Variants in PLCL2 observed in about 807,000 individuals in gnomAD.
The protein encoded by PLCL2 is inactive phospholipase C-like protein 2.
In PLCL2, 4 loss-of-function variants were observed where a neutral mutation model predicts 79.6. The observed-to-expected ratio is 0.05, with a 90% CI of 0.02 to 0.11. The LOEUF is 0.11. Ranked by LOEUF, PLCL2 falls within the 10% of genes least tolerant of loss-of-function variation. The pLI, the probability that PLCL2 is intolerant of heterozygous loss-of-function variation, is 1.00. For synonymous variants in PLCL2, 484 were observed against 457.7 expected (o/e 1.06, Z -0.73); for missense variants, 895 against 1,291.0 (o/e 0.69, Z 4.70).
At position 16,886,905 on chromosome 3, in the gene PLCL2, C is replaced by T. The variant is rs1231421278; in HGVS notation, c.327+1539C>T. ...TGAGGTGAAAATTCCAAAGAAGATA[C>T]CAGCCTACCTAATTTTAACCCCTTT... On this transcript the variant is annotated intron_variant, in intron 1 of 5. Transcript: ENST00000615277. This position sits in a 1 kb window ranked among gnomAD's most constrained non-coding sequence, Gnocchi z 4.2. Among the ~76,000 whole-genome samples, 1 of 152,160 alleles carries T rather than the reference C, an allele frequency of 6.6e-6. No homozygotes were observed. The highest frequency in any genetic ancestry group is 1.5e-5 in the Non-Finnish European group (1 of 68,024).
At chr3:17,087,399 C>T (rs568101008) in intron 5 of PLCL2, among the ~76,000 whole-genome samples, 14 of 152,252 alleles carry the variant, frequency 9.2e-5, no homozygotes, top group African/African-American at 3.1e-4. Context: ...GCGAAAGAAG[C>T]CAATCCAAAA....
At chr3:16,953,370 C>A (rs761329664) in intron 1 of PLCL2, among the ~76,000 whole-genome samples, 18 of 152,200 alleles carry the variant, frequency 1.2e-4, no homozygotes, top group Non-Finnish European at 2.2e-4. Flanking sequence ...TTACATTAAA[C>A]AAATTTTAAT....
intron 1 of PLCL2, among the ~76,000 whole-genome samples, chr3:16,988,381 A>C (rs1264093661): frequency 6.6e-6 from 1 of 152,128 alleles, no homozygotes. Flanking sequence ...TTTCCTTAGA[A>C]ATTCATTTCA....
intron 1 of PLCL2, among the ~76,000 whole-genome samples, chr3:16,965,124 G>C (rs1230816996): frequency 6.6e-6 from 1 of 152,034 alleles, no homozygotes; most frequent in Non-Finnish European, 1.5e-5. Context: ...GTATTGCCCA[G>C]GTTTTCTTCT....
Position 16,901,957 on chromosome 3 carries a change from A to G in PLCL2, c.327+16591A>G, listed in dbSNP as rs145356794. Reference sequence around the variant, plus strand: ...GTCTCCTTCTCTCATTCCATGCCTCATTCTGGACAACTTGTTCCATAGCCA... The same window carrying G: ...GTCTCCTTCTCTCATTCCATGCCTCGTTCTGGACAACTTGTTCCATAGCCA... On this transcript the variant is annotated intron_variant, in intron 1 of 5. Coordinates refer to ENST00000615277, the MANE Select transcript of PLCL2 (RefSeq NM_001144382.2). 7.8e-3 allele frequency among the ~76,000 whole-genome samples: 1,184 copies of G among 152,274 alleles called. 17 individuals are homozygous for G. Among genetic ancestry groups the G allele is most frequent in the African/African-American group, 0.027 (1,108 of 41,530 alleles).
In PLCL2 at chr3:17,004,078, C is replaced by T. The variant is rs563275101; in HGVS notation, c.328-5596C>T. ...TTCCCACGCTCTACCAAACCCAGAA[C>T]AGTTTCTTGTGTCCTATTTCTCCTT... On this transcript the variant is annotated intron_variant, in intron 1 of 5. Transcript: ENST00000615277. 3.3e-5 allele frequency among the ~76,000 whole-genome samples: 5 copies of T among 152,320 alleles called. No individual in the cohort carries two copies. The South Asian group carries it at 8.3e-4, about 25-fold the overall frequency.
In PLCL2 at chr3:16,960,660, G is replaced by C. The variant is rs140292825; in HGVS notation, c.328-49014G>C. 2.6e-5 allele frequency among the ~76,000 whole-genome samples: 4 copies of C among 152,220 alleles called. No individual in the cohort carries two copies. The East Asian group carries it at 7.7e-4, about 29-fold the overall frequency. ...TTTCAAGGACCACCAAAATATCTCT[G>C]AATCAACAACATCTGAAGTCAGTCC... On this transcript the variant is annotated intron_variant, in intron 1 of 5. Transcript: ENST00000615277.
At chr3:17,028,017 T>C (rs1049100849) in intron 3 of PLCL2, among the ~76,000 whole-genome samples, 3 of 152,158 alleles carry the variant, frequency 2.0e-5, no homozygotes, top group African/African-American at 7.2e-5. Context: ...ATTTAGTGTT[T>C]ATGTATAACC....
chr3:17,021,984 G>GTAGA (rs2064460320), intron 3 of PLCL2, among the ~76,000 whole-genome samples: 1 of 152,108 alleles, frequency 6.6e-6, no homozygotes, highest in African/African-American at 2.4e-5. Context: ...CAGTTCCTGG[G>GTAGA]TAGATTTCAT....
At chr3:16,981,926 G>A (rs1255329069) in intron 1 of PLCL2, among the ~76,000 whole-genome samples, 3 of 152,190 alleles carry the variant, frequency 2.0e-5, no homozygotes, top group Non-Finnish European at 4.4e-5. Context: ...GCTCCTTTTA[G>A]ATGTTCTATT....
At chr3:16,954,874 G>C (rs1166264423) in intron 1 of PLCL2, among the ~76,000 whole-genome samples, 1 of 152,134 alleles carries the variant, frequency 6.6e-6, no homozygotes, top group Non-Finnish European at 1.5e-5. Flanking sequence ...TGATGGGGTT[G>C]TTTGTATTTT....
intron 1 of PLCL2, among the ~76,000 whole-genome samples, chr3:16,939,961 AAAG>A (rs1697639016): frequency 6.6e-6 from 1 of 152,228 alleles, no homozygotes; most frequent in African/African-American, 2.4e-5. Flanking sequence ...CTTAGGGTCT[AAAG>A]AAGAAGAGTC....
At chr3:17,053,572 A>C (rs2064863457) in intron 4 of PLCL2, among the ~76,000 whole-genome samples, 1 of 152,220 alleles carries the variant, frequency 6.6e-6, no homozygotes, top group African/African-American at 2.4e-5. Flanking sequence ...ATAATCCCCC[A>C]AAGTCTTAAC....
At chr3:16,899,395 CA>C (rs1696566161) in intron 1 of PLCL2, among the ~76,000 whole-genome samples, 1 of 152,178 alleles carries the variant, frequency 6.6e-6, no homozygotes, top group Non-Finnish European at 1.5e-5. Context: ...ACAGCAACAA[CA>C]GAGTATCAAG....
At chr3:16,907,753 T>G (rs1464697285) in intron 1 of PLCL2, among the ~76,000 whole-genome samples, 1 of 152,210 alleles carries the variant, frequency 6.6e-6, no homozygotes, top group East Asian at 1.9e-4. Flanking sequence ...TTAGCAATTT[T>G]TTTTTTGGTA....
At chr3:16,946,003 C>T (rs544591959) in intron 1 of PLCL2, among the ~76,000 whole-genome samples, 1 of 152,322 alleles carries the variant, frequency 6.6e-6, no homozygotes, top group East Asian at 1.9e-4. Context: ...CCAACAGATG[C>T]CTGTTACTAA....
chr3:16,940,589 A>T (rs1697655951), intron 1 of PLCL2, among the ~76,000 whole-genome samples: 1 of 152,158 alleles, frequency 6.6e-6, no homozygotes, highest in African/African-American at 2.4e-5. Context: ...CCTCAGCAAC[A>T]TGCAATTTAC....
chr3:17,017,898 A>G (rs147539966), intron 3 of PLCL2, among the ~76,000 whole-genome samples: 3 of 152,322 alleles, frequency 2.0e-5, no homozygotes, highest in East Asian at 3.9e-4. Context: ...TCGTTGTCCT[A>G]ATGGCTGCCG....
intron 1 of PLCL2, among the ~76,000 whole-genome samples, chr3:16,950,129 GT>G (rs1295056073): frequency 6.6e-6 from 1 of 152,080 alleles, no homozygotes; most frequent in Non-Finnish European, 1.5e-5. Context: ...TCTTGTATTT[GT>G]TTGCTTTCCT....
Sources: gnomAD v4.1 joint callset for allele counts (sites outside exome capture counted in the v4.1 genomes callset) on GRCh38, gnomAD v4.1.1 for gene constraint, Gnocchi (gnomAD v3.1) non-coding constraint, MANE v1.5 for transcripts, NCBI Gene and HGNC (gene_info 2026-07-23, HGNC 2026-07-21) for gene names.